The following OTUD3 variants were observed in gnomAD, a reference collection of about 807,000 sequenced individuals.
OTUD3 encodes OTU domain-containing protein 3.
In OTUD3, 24 loss-of-function variants were observed where a neutral mutation model predicts 46.2. That is an observed-to-expected ratio of 0.52 (90% CI 0.38 to 0.73). The LOEUF is 0.73. OTUD3 is among the 30% of genes least tolerant of loss of function. The pLI is 0.00. For missense variants in OTUD3, 455 were observed against 523.3 expected, an observed-to-expected ratio of 0.87 and a Z score of 1.27; for synonymous variants, 189 against 195.4, an observed-to-expected ratio of 0.97 and a Z score of 0.27.
chr1:19,885,377 C>T (rs2045343454), intron 1 of OTUD3, among the ~76,000 whole-genome samples: 1 of 152,184 alleles, frequency 6.6e-6, no homozygotes, highest in African/African-American at 2.4e-5. Context: ...CTAGTCCTTT[C>T]GAATGTGGTG....
chr1:19,902,545 T>C (rs1323814214), intron 4 of OTUD3, among the ~76,000 whole-genome samples: 1 of 152,238 alleles, frequency 6.6e-6, no homozygotes, highest in Non-Finnish European at 1.5e-5. Flanking sequence ...TAATAGCTAA[T>C]GACATTGAAC....
Position 19,904,303 on chromosome 1 carries a change from G to C in OTUD3, c.643G>C (p.Glu215Gln), listed in dbSNP as rs2045629285. Residue 215 changes from glutamate (E) to glutamine (Q), a missense_variant, in exon 5 of 8, where the codon GAA becomes CAA. By Grantham distance (29) the Glu-to-Gln change is conservative. Transcript: ENST00000375120. ...TCATCAAGATGAATCAAATAAAAGA[G>C]AAAAGATCAAGACAAAGGGAATGGA... is the stretch of plus-strand genomic sequence containing the variant. ...MLHQDESNKREKIKTKGMDSE... is the reference protein window; with the variant it reads ...MLHQDESNKRQKIKTKGMDSE... The C allele has an allele frequency of 6.2e-7, 1 of 1,609,294 alleles. No homozygotes were observed. The highest frequency in any genetic ancestry group is 8.5e-7 in the Non-Finnish European group (1 of 1,177,824).
intron 1 of OTUD3, among the ~76,000 whole-genome samples, chr1:19,886,091 G>A (rs1465295466): frequency 6.6e-6 from 1 of 152,176 alleles, no homozygotes; most frequent in Non-Finnish European, 1.5e-5. Context: ...GTGTTGTCTG[G>A]AAGGTGGACC....
At position 19,912,294 on chromosome 1, in the gene OTUD3, A is replaced by G. The variant is rs577010668; in HGVS notation, c.*4548A>G. On this transcript the variant is annotated 3_prime_UTR_variant, in exon 8 of 8. Coordinates refer to ENST00000375120, the MANE Select transcript of OTUD3 (RefSeq NM_015207.2). Reference sequence around the variant, plus strand: ...TCATGTGAGCTCAGCCACAGACCTCAGCTGGCGGTTTGATCCCTGGCAGGT... The same window carrying G: ...TCATGTGAGCTCAGCCACAGACCTCGGCTGGCGGTTTGATCCCTGGCAGGT... 2.6e-5 allele frequency: 4 copies of G among 152,432 alleles called. No individual in the cohort carries two copies. The highest frequency in any genetic ancestry group is 1.3e-4 in the Admixed American group (2 of 15,298). The allele number at this position is 152,432 out of a possible 1,614,324, so 9.4% of individuals were successfully genotyped here.
Position 19,907,582 on chromosome 1 carries a change from CAG to C in OTUD3, c.1036_1037del (p.Arg346AlafsTer26), listed in dbSNP as rs746193252. On this transcript the variant is annotated frameshift_variant, in exon 8 of 8. Coordinates refer to ENST00000375120, the MANE Select transcript of OTUD3 (RefSeq NM_015207.2). LOFTEE classifies it high-confidence loss of function. ...CCTTCTCTCTCAGGTCACAAACAAA[CAG>C]AGGCGAGAACAGCAGTGGATGGAGA... ...KNQLAKVTNK[Q>X]RREQQWMEKK... The C allele has an allele frequency of 2.5e-6, 4 of 1,613,862 alleles. No homozygotes were observed. Among genetic ancestry groups the C allele is most frequent in the Admixed American group, 3.3e-5 (2 of 59,970 alleles).
At chr1:19,884,228 G>A (rs2045323004) in intron 1 of OTUD3, among the ~76,000 whole-genome samples, 1 of 152,132 alleles carries the variant, frequency 6.6e-6, no homozygotes, top group Admixed American at 6.5e-5. Context: ...GCTATACTGG[G>A]TATGGTATTC....
intron 1 of OTUD3, among the ~76,000 whole-genome samples, chr1:19,888,615 C>T (rs893784136): frequency 2.6e-5 from 4 of 152,152 alleles, no homozygotes; most frequent in Non-Finnish European, 5.9e-5. Context: ...GCGAGAGCCA[C>T]GTTATTTGGA....
At position 19,907,967 on chromosome 1, in the gene OTUD3, T is replaced by C; in HGVS notation, c.*221T>C. 1 of 450,576 alleles carries C rather than the reference T, an allele frequency of 2.2e-6. No individual in the cohort carries two copies. Among genetic ancestry groups the C allele is most frequent in the South Asian group, 4.4e-5 (1 of 22,482 alleles). 27.9% of individuals were successfully genotyped at this position (450,576 alleles called of 1,614,324 possible). On this transcript the variant is annotated 3_prime_UTR_variant, in exon 8 of 8. Coordinates refer to ENST00000375120, the MANE Select transcript of OTUD3 (RefSeq NM_015207.2). ...TGAAAATGCAGTGAGGCCATTCATA[T>C]TCTGTAATACAAAATTAAAATACTG... is the stretch of plus-strand genomic sequence containing the variant.
At chr1:19,900,144 C>T (rs2045566750) in intron 4 of OTUD3, among the ~76,000 whole-genome samples, 1 of 152,160 alleles carries the variant, frequency 6.6e-6, no homozygotes, top group Non-Finnish European at 1.5e-5. Flanking sequence ...GTCTTTCCCA[C>T]TCTGAGGTTA....
intron 4 of OTUD3, among the ~76,000 whole-genome samples, chr1:19,899,886 G>A (rs2045562948): frequency 6.6e-6 from 1 of 151,852 alleles, no homozygotes. Flanking sequence ...TTTTGTAAAT[G>A]GTATTCATTT....
Position 19,908,391 on chromosome 1 carries a change from T to C in OTUD3, c.*645T>C, listed in dbSNP as rs1470238871. ...GTTATTTCAGATGGGATGCAGGTGCTGTTAGTTCATTTGCACTCAAGCCAT... is the reference window on the plus strand; with the variant it reads ...GTTATTTCAGATGGGATGCAGGTGCCGTTAGTTCATTTGCACTCAAGCCAT... On this transcript the variant is annotated 3_prime_UTR_variant, in exon 8 of 8. Coordinates refer to ENST00000375120, the MANE Select transcript of OTUD3 (RefSeq NM_015207.2). The C allele has an allele frequency of 6.6e-6, 1 of 152,408 alleles. No homozygotes were observed. The highest frequency in any genetic ancestry group is 1.5e-5 in the Non-Finnish European group (1 of 68,052). The allele number at this position is 152,408 out of a possible 1,614,324, so 9.4% of individuals were successfully genotyped here.
Position 19,907,770 on chromosome 1 carries a change from A to G in OTUD3, c.*24A>G. 1 of 1,609,662 alleles carries G rather than the reference A, an allele frequency of 6.2e-7. No homozygotes were observed. The highest frequency in any genetic ancestry group is 8.5e-7 in the Non-Finnish European group (1 of 1,176,438). ...GACTCTTTGGCCTCTTGGGAGTTGT[A>G]AGAAGCGGCTGGAAAAGGATTGCTG... On this transcript the variant is annotated 3_prime_UTR_variant, in exon 8 of 8. Coordinates refer to ENST00000375120, the MANE Select transcript of OTUD3 (RefSeq NM_015207.2).
At chr1:19,888,309 C>T (rs1019998145) in intron 1 of OTUD3, among the ~76,000 whole-genome samples, 1 of 152,128 alleles carries the variant, frequency 6.6e-6, no homozygotes, top group African/African-American at 2.4e-5. Context: ...AGGAAGTGGC[C>T]CAGATCTCCT....
intron 1 of OTUD3, among the ~76,000 whole-genome samples, chr1:19,883,055 A>G (rs1015870715): frequency 7.2e-5 from 11 of 152,236 alleles, no homozygotes; most frequent in Non-Finnish European, 2.9e-5. Context: ...GTGACATTTA[A>G]GCTGAGTTCT....
intron 4 of OTUD3, among the ~76,000 whole-genome samples, chr1:19,902,581 T>C (rs2045605527): frequency 6.6e-6 from 1 of 152,214 alleles, no homozygotes; most frequent in Admixed American, 6.5e-5. Flanking sequence ...TTTCGGCCAT[T>C]TGTATATCTT....
chr1:19,890,497 C>T lies in OTUD3; in HGVS notation c.334C>T (p.Pro112Ser). The change falls in exon 2 of 8, where the codon CCC becomes TCC. Residue 112 changes from proline to serine, a missense_variant. By Grantham distance (74) the Pro-to-Ser change is moderately conservative. Coordinates refer to ENST00000375120, the MANE Select transcript of OTUD3 (RefSeq NM_015207.2). The part of the protein sequence containing the change: ...YMIKQREDFE[P>S]FVEDDIPFEK... ...GATAAAGCAGCGGGAAGATTTTGAA[C>T]CCTTTGTAGAAGATGACATTCCTTT... 1.2e-6 allele frequency: 2 copies of T among 1,613,856 alleles called. No homozygotes were observed. The highest frequency in any genetic ancestry group is 8.5e-7 in the Non-Finnish European group (1 of 1,179,816).
intron 4 of OTUD3, among the ~76,000 whole-genome samples, chr1:19,902,601 G>A (rs1192266406): frequency 6.6e-6 from 1 of 152,160 alleles, no homozygotes; most frequent in Non-Finnish European, 1.5e-5. Flanking sequence ...TTGGAAAAAT[G>A]TCTATTCAAG....
At chr1:19,892,358 GC>G (rs1254256884) in intron 2 of OTUD3, among the ~76,000 whole-genome samples, 1 of 152,166 alleles carries the variant, frequency 6.6e-6, no homozygotes, top group African/African-American at 2.4e-5. Context: ...TCAGTGTGCT[GC>G]CTACCTTGTT....
At chr1:19,900,211 A>G (rs1003191893) in intron 4 of OTUD3, among the ~76,000 whole-genome samples, 1 of 151,952 alleles carries the variant, frequency 6.6e-6, no homozygotes, top group African/African-American at 2.4e-5. Context: ...TTATTTATTT[A>G]TTTATTTTTT....
Sources: gnomAD v4.1 joint callset for allele counts (sites outside exome capture counted in the v4.1 genomes callset) on GRCh38, gnomAD v4.1.1 for gene constraint, MANE v1.5 for transcripts, NCBI Gene and HGNC (gene_info 2026-07-23, HGNC 2026-07-21) for gene names.